USP24: variants seen among roughly 807,000 people sequenced by gnomAD.
USP24 encodes ubiquitin carboxyl-terminal hydrolase 24.
In USP24, 97 loss-of-function variants were observed where a neutral mutation model predicts 361.6. That is an observed-to-expected ratio of 0.27 (90% CI 0.23 to 0.32). The LOEUF (loss-of-function observed/expected upper bound fraction) is 0.32, where lower values mean the gene tolerates loss of function less well. USP24 is among the 10% of genes least tolerant of loss of function. USP24 has a pLI of 1.00. For synonymous variants in USP24, 1,098 were observed against 1,124.6 expected (o/e 0.98, Z 0.47); for missense variants, 2,353 against 3,165.6 (o/e 0.74, Z 6.16).
In USP24 at chr1:55,124,496, C is replaced by T; in HGVS notation, c.4093G>A (p.Gly1365Arg). Residue 1365 changes from glycine to arginine, a missense_variant, in exon 35 of 68, where the codon GGA (glycine) becomes AGA (arginine). Physicochemically the swap from Gly to Arg is moderately radical, Grantham distance 125. This residue lies in a region of USP24 where 949 missense variants were observed against 1,280.5 expected (regional missense o/e 0.74). Coordinates refer to ENST00000294383, the MANE Select transcript of USP24 (RefSeq NM_015306.3). ...GAACTGCTGAGTCTGTTTCGAATTC[C>T]AGCAGGACACAGGGAATTACTTTCT... ...IKESNSLCPA[G>R]IRNRLSSSGS... 1 of 1,612,898 alleles carries T rather than the reference C, an allele frequency of 6.2e-7. No homozygotes were observed. The highest frequency in any genetic ancestry group is 8.5e-7 in the Non-Finnish European group (1 of 1,179,418).
intron 23 of USP24, 101 bp downstream of exon 23, chr1:55,142,641 C>T: frequency 1.2e-6 from 1 of 852,124 alleles, no homozygotes; most frequent in South Asian, 2.0e-5. Flanking sequence ...CAATAGGATC[C>T]AGCCACAAAC....
intron 55 of USP24, chr1:55,086,291 A>C (rs895542648): frequency 3.7e-6 from 2 of 533,544 alleles, no homozygotes; most frequent in African/African-American, 3.8e-5. Flanking sequence ...AGAAAGTTTA[A>C]AAGATAAGAA....
Position 55,159,653 on chromosome 1 carries a change from G to T in USP24, c.1026C>A (p.Ile342=), listed in dbSNP as rs1358197837. 8 of 1,562,314 alleles carry T rather than the reference G, an allele frequency of 5.1e-6. No homozygotes were observed. Among genetic ancestry groups the T allele is most frequent in the Non-Finnish European group, 6.9e-6 (8 of 1,151,310 alleles). ...PMLDPVILTT[I]QDVRSVEEKD... is the part of the protein sequence containing the mutation. ...TCTCTTCTACACTCCGTACATCCTGGATTGTAGTAAGAATGACTGGGTCTA... is the reference window on the plus strand; with the variant it reads ...TCTCTTCTACACTCCGTACATCCTGTATTGTAGTAAGAATGACTGGGTCTA... The change falls in exon 9 of 68, where the codon ATC becomes ATA. Residue 342 remains isoleucine, a synonymous_variant. Coordinates refer to ENST00000294383, the MANE Select transcript of USP24 (RefSeq NM_015306.3).
Position 55,137,601 on chromosome 1 carries a change from T to C in USP24, c.3115A>G (p.Thr1039Ala). Residue 1039 changes from threonine to alanine, a missense_variant, in exon 28 of 68, where the codon ACC becomes GCC. Thr to Ala is a moderately conservative substitution (Grantham distance 58, BLOSUM62 0). This residue lies in a region of USP24 where 949 missense variants were observed against 1,280.5 expected (regional missense o/e 0.74). Coordinates refer to ENST00000294383, the MANE Select transcript of USP24 (RefSeq NM_015306.3). The stretch of plus-strand genomic sequence containing the variant: ...GAATCTGCTGAACTCCCAGATGGGG[T>C]CCCACTGCCAGAAGTCTTCACTGTA... ...ILTVKTSGSG[T>A]PSGSSADSST... 2 of 1,613,322 alleles carry C rather than the reference T, an allele frequency of 1.2e-6. No individual in the cohort carries two copies. The highest frequency in any genetic ancestry group is 1.7e-6 in the Non-Finnish European group (2 of 1,179,622).
intron 41 of USP24, among the ~76,000 whole-genome samples, chr1:55,104,465 T>C (rs781700039): frequency 6.6e-6 from 1 of 152,152 alleles, no homozygotes. Flanking sequence ...GTGGACTTTC[T>C]ATGAAAAAAA....
chr1:55,133,866 C>T (rs141494160), intron 30 of USP24, among the ~76,000 whole-genome samples: 34 of 152,222 alleles, frequency 2.2e-4, no homozygotes, highest in African/African-American at 7.7e-4. Flanking sequence ...CTCTGGGGCT[C>T]AAGCCATCCT....
intron 38 of USP24, among the ~76,000 whole-genome samples, chr1:55,111,987 A>G (rs1441453561): frequency 2.0e-5 from 3 of 152,170 alleles, no homozygotes; most frequent in Admixed American, 6.5e-5. Flanking sequence ...AGATAAAATT[A>G]TAACTATATT....
At position 55,071,595 on chromosome 1, in the gene USP24, C is replaced by T. The variant is rs1644920025; in HGVS notation, c.7800+219G>A. ...TCAGGGTGGCCAGCCACAAACACCT[C>T]GAGGCCTTCCATTCACTTCACACTG... On this transcript the variant is annotated intron_variant, in intron 67 of 67. Transcript: ENST00000294383. The T allele has an allele frequency of 4.8e-6, 6 of 1,251,696 alleles. No individual in the cohort carries two copies. In the South Asian group the frequency reaches 8.5e-5, roughly 18 times the overall value. 77.5% of individuals were successfully genotyped at this position (1,251,696 alleles called of 1,614,324 possible).
Position 55,081,352 on chromosome 1 carries a change from G to T in USP24, c.7048C>A (p.His2350Asn). The change falls in exon 59 of 68, where the codon CAT becomes AAT. Residue 2350 changes from histidine to asparagine, a missense_variant. Physicochemically the swap from His to Asn is moderately conservative, Grantham distance 68. Around this residue, in one of 8 missense-constraint regions of USP24, gnomAD observed 598 missense variants for 761.9 expected, o/e 0.78. Transcript: ENST00000294383. ...TTCCTTTGGGATGAGACATCTGAAT[G>T]CAAAACAAGTAACGCCACTGTATTG... The part of the protein sequence containing the change: ...LHNTVALLVL[H>N]SDVSSQRNVA... 6.2e-7 allele frequency: 1 copy of T among 1,613,656 alleles called. No individual in the cohort carries two copies. The highest frequency in any genetic ancestry group is 1.1e-5 in the South Asian group (1 of 91,070).
Position 55,134,091 on chromosome 1 carries a change from T to C in USP24, c.3360A>G (p.Gln1120=). ...ATACCTTTCTTCCTAAAGAATCAAG[T>C]TGATCAAGGGCTTCCTGAATGGCTG... ...TDPAIQEALD[Q]LDSLGRKKTL... is the part of the protein sequence containing the mutation. The change falls in exon 30 of 68, where the codon CAA becomes CAG. Residue 1120 remains glutamine, a synonymous_variant. Coordinates refer to ENST00000294383, the MANE Select transcript of USP24 (RefSeq NM_015306.3). The C allele has an allele frequency of 2.5e-6, 4 of 1,613,764 alleles. No homozygotes were observed. Among genetic ancestry groups the C allele is most frequent in the Non-Finnish European group, 3.4e-6 (4 of 1,179,776 alleles).
In USP24 at chr1:55,130,071, C is replaced by G. The variant is rs112370981; in HGVS notation, c.3538-497G>C. ...AAAGGTTAAGTAGGTTAAGTGACTG[C>G]CCACCCAAGGTCACGTGGTTAGAAT... On this transcript the variant is annotated intron_variant, in intron 31 of 67. Coordinates refer to ENST00000294383, the MANE Select transcript of USP24 (RefSeq NM_015306.3). Among the ~76,000 whole-genome samples the G allele has an allele frequency of 2.5e-3, 380 of 152,298 alleles. 1 individual carries two copies. Among genetic ancestry groups the G allele is most frequent in the African/African-American group, 8.4e-3 (350 of 41,564 alleles).
intron 4 of USP24, 32 bp from the exon 5 acceptor site, chr1:55,171,710 A>T (rs1649464501): frequency 1.3e-6 from 2 of 1,579,566 alleles, no homozygotes; most frequent in Non-Finnish European, 1.7e-6. Context: ...AAACATTATT[A>T]TCTATTTCTA....
At chr1:55,186,786 A>G (rs1194367329) in intron 1 of USP24, among the ~76,000 whole-genome samples, 1 of 152,174 alleles carries the variant, frequency 6.6e-6, no homozygotes, top group African/African-American at 2.4e-5. Context: ...GGGAGTTAGT[A>G]TGTAATGGGT....
intron 34 of USP24, among the ~76,000 whole-genome samples, chr1:55,125,106 A>G (rs1235593893): frequency 1.2e-5 from 1 of 80,578 alleles, no homozygotes; most frequent in East Asian, 1.0e-3. Context: ...TTGAAGACAC[A>G]CAGAATGCTT....
At chr1:55,133,554 G>A (rs1646650964) in intron 30 of USP24, among the ~76,000 whole-genome samples, 1 of 151,828 alleles carries the variant, frequency 6.6e-6, no homozygotes, top group Non-Finnish European at 1.5e-5. Context: ...GACACCTGAT[G>A]TCATTATTGA....
rs752919372 is a variant in USP24 at position 55,125,561 on chromosome 1, C to T, written c.3732-13G>A. The stretch of plus-strand genomic sequence containing the variant: ...GACAAGTAAAAATCTTAAAAAGAAA[C>T]AGCTAGACTTATTCTGAGTCCATTC... On this transcript the variant is annotated splice_polypyrimidine_tract_variant and intron_variant, in intron 33 of 67. Transcript: ENST00000294383. The T allele has an allele frequency of 4.4e-6, 7 of 1,606,096 alleles. No individual in the cohort carries two copies. The highest frequency in any genetic ancestry group is 6.0e-6 in the Non-Finnish European group (7 of 1,175,128).
At position 55,110,243 on chromosome 1, in the gene USP24, C is replaced by G; in HGVS notation, c.4512G>C (p.Leu1504=). 6.5e-7 allele frequency: 1 copy of G among 1,534,036 alleles called. No individual in the cohort carries two copies. Among genetic ancestry groups the G allele is most frequent in the East Asian group, 2.4e-5 (1 of 41,070 alleles). The change falls in exon 39 of 68, where the codon CTG becomes CTC. Residue 1504 remains leucine (L), a synonymous_variant. Coordinates refer to ENST00000294383, the MANE Select transcript of USP24 (RefSeq NM_015306.3). ...TSIMRGVNQR[L]LSQCMEYFDL... Reference sequence around the variant, plus strand: ...CAAAATACTCCATACACTGAGATAACAGTCTAAAAAACAGAAAGGTTTCAG... The same window carrying G: ...CAAAATACTCCATACACTGAGATAAGAGTCTAAAAAACAGAAAGGTTTCAG...
chr1:55,211,884 T>G (rs1477298977), intron 1 of USP24, among the ~76,000 whole-genome samples: 3 of 152,196 alleles, frequency 2.0e-5, no homozygotes, highest in African/African-American at 7.2e-5. Context: ...CAAATAGAAA[T>G]GTATATAATT....
chr1:55,144,852 T>G (rs1646985428), intron 20 of USP24, among the ~76,000 whole-genome samples: 1 of 152,158 alleles, frequency 6.6e-6, no homozygotes, highest in African/African-American at 2.4e-5. Flanking sequence ...GAGAATCACA[T>G]GAACCTGGGA....
Sources: allele counts gnomAD v4.1 joint callset (sites outside exome capture counted in the v4.1 genomes callset), GRCh38; gene constraint gnomAD v4.1.1; regional missense constraint gnomAD v4.1.1; transcripts MANE v1.5; gene names NCBI Gene and HGNC (gene_info 2026-07-23, HGNC 2026-07-21).